The following KAT6B variants were observed in gnomAD, a reference collection of about 807,000 sequenced individuals.
KAT6B encodes lysine acetyltransferase 6B.
KAT6B carries 10 observed loss-of-function variants against 187.5 expected under a neutral mutation model. The ratio of observed to expected loss-of-function variants is 0.05; its 90% confidence interval spans 0.03 to 0.09. The LOEUF (loss-of-function observed/expected upper bound fraction) is 0.09. KAT6B is among the 10% of genes least tolerant of loss of function. The pLI, the probability that KAT6B is intolerant of heterozygous loss-of-function variation, is 1.00. For synonymous variants in KAT6B, 861 were observed against 926.8 expected, an observed-to-expected ratio of 0.93 and a Z score of 1.29; for missense variants, 1,952 against 2,558.9, an observed-to-expected ratio of 0.76 and a Z score of 5.12.
intron 3 of KAT6B, among the ~76,000 whole-genome samples, chr10:74,847,223 A>G (rs1301299547): frequency 6.6e-6 from 1 of 152,234 alleles, no homozygotes; most frequent in African/African-American, 2.4e-5. Flanking sequence ...ATAATGAGGA[A>G]AGCTGAGAAA....
intron 3 of KAT6B, among the ~76,000 whole-genome samples, chr10:74,878,688 G>C (rs1367710253): frequency 6.6e-6 from 1 of 151,568 alleles, no homozygotes; most frequent in Non-Finnish European, 1.5e-5. Flanking sequence ...GTAACTTCTA[G>C]ATTGAGATTT....
intron 4 of KAT6B, among the ~76,000 whole-genome samples, chr10:74,967,501 G>A (rs1841563690): frequency 6.6e-6 from 1 of 152,108 alleles, no homozygotes; most frequent in South Asian, 2.1e-4. Context: ...TTTTAAAGTT[G>A]GCCATGAGAA....
chr10:74,842,058 G>A (rs917360726), intron 2 of KAT6B, among the ~76,000 whole-genome samples: 3 of 152,248 alleles, frequency 2.0e-5, no homozygotes, highest in Non-Finnish European at 4.4e-5. Flanking sequence ...TTGTGGGTTA[G>A]AGGGTATCAT....
chr10:75,018,571 C>T (rs574246683), intron 13 of KAT6B, among the ~76,000 whole-genome samples: 10 of 152,306 alleles, frequency 6.6e-5, no homozygotes, highest in African/African-American at 2.4e-4. Context: ...CTGCTGCTGC[C>T]TTCCGGATTA....
chr10:74,841,541 G>C (rs111320476), intron 2 of KAT6B, among the ~76,000 whole-genome samples: 1 of 151,764 alleles, frequency 6.6e-6, no homozygotes, highest in Non-Finnish European at 1.5e-5. Context: ...CTCCAGCCTG[G>C]GTGACAGAGC....
intron 1 of KAT6B, among the ~76,000 whole-genome samples, chr10:74,835,733 TG>T (rs1448083138): frequency 6.6e-6 from 1 of 152,256 alleles, no homozygotes; most frequent in Non-Finnish European, 1.5e-5. Flanking sequence ...GTAAAGTACC[TG>T]GACCACAGTA....
chr10:74,969,925 T>A, intron 5 of KAT6B, 95 bp from the exon 6 acceptor site: 1 of 1,039,130 alleles, frequency 9.6e-7, no homozygotes, highest in Non-Finnish European at 1.5e-6. Flanking sequence ...TGCACTTTCC[T>A]TATATTGTAT....
intron 3 of KAT6B, among the ~76,000 whole-genome samples, chr10:74,848,012 A>T (rs1164156163): frequency 3.4e-5 from 5 of 148,054 alleles, no homozygotes; most frequent in African/African-American, 1.0e-4. Context: ...TCTGTCTCCC[A>T]GGTTCAAGTG....
intron 3 of KAT6B, among the ~76,000 whole-genome samples, chr10:74,881,330 C>T (rs1038826089): frequency 7.9e-5 from 12 of 152,112 alleles, no homozygotes; most frequent in Non-Finnish European, 1.6e-4. Flanking sequence ...AGAGTTGTCC[C>T]CAGTTGGCTC....
chr10:75,029,292 A>G lies in KAT6B; in HGVS notation c.4468A>G (p.Lys1490Glu). 2 of 1,614,134 alleles carry G rather than the reference A, an allele frequency of 1.2e-6. No individual in the cohort carries two copies. Among genetic ancestry groups the G allele is most frequent in the Non-Finnish European group, 1.7e-6 (2 of 1,180,032 alleles). The change falls in exon 18 of 18, where the codon AAG becomes GAG. Residue 1490 changes from lysine to glutamate, a missense_variant. Lys to Glu is a moderately conservative substitution (Grantham distance 56). This residue lies in a region of KAT6B where 758 missense variants were observed against 891.4 expected (regional missense o/e 0.85). Coordinates refer to ENST00000287239, the MANE Select transcript of KAT6B (RefSeq NM_012330.4). This position sits in a 1 kb window ranked among gnomAD's most constrained non-coding sequence, Gnocchi z 6.2. Reference protein sequence around the residue: ...DLTASCNSEPKELAGDPEAVP... With the variant: ...DLTASCNSEPEELAGDPEAVP... ...GACAGCTTCTTGTAACAGTGAGCCC[A>G]AGGAGCTTGCTGGGGACCCTGAAGC...
intron 3 of KAT6B, among the ~76,000 whole-genome samples, chr10:74,940,581 T>G (rs957353656): frequency 1.3e-5 from 2 of 151,292 alleles, no homozygotes; most frequent in African/African-American, 4.9e-5. Context: ...GCCTTTGTTT[T>G]TTTTTTTTTT....
At chr10:74,961,269 C>T (rs1841078835) in intron 4 of KAT6B, among the ~76,000 whole-genome samples, 1 of 152,198 alleles carries the variant, frequency 6.6e-6, no homozygotes, top group African/African-American at 2.4e-5. Flanking sequence ...TAGTGCCTCA[C>T]TCATCAGTTC....
At chr10:74,844,098 T>A (rs765696239) in intron 3 of KAT6B, among the ~76,000 whole-genome samples, 13 of 152,186 alleles carry the variant, frequency 8.5e-5, no homozygotes, top group Non-Finnish European at 1.5e-4. Context: ...GGTCTCAAGC[T>A]CCTGACCTCA....
chr10:74,959,590 G>A (rs1840943882), intron 3 of KAT6B, among the ~76,000 whole-genome samples: 1 of 152,136 alleles, frequency 6.6e-6, no homozygotes, highest in East Asian at 1.9e-4. Flanking sequence ...AGGAGATCGA[G>A]ACCATCCTGG....
chr10:74,949,475 A>G (rs946485003), intron 3 of KAT6B, among the ~76,000 whole-genome samples: 1 of 152,200 alleles, frequency 6.6e-6, no homozygotes, highest in Non-Finnish European at 1.5e-5. Context: ...CACAAATGAG[A>G]TGCTATTGTT....
intron 13 of KAT6B, among the ~76,000 whole-genome samples, chr10:74,998,701 A>G (rs1269720570): frequency 6.6e-6 from 1 of 152,190 alleles, no homozygotes; most frequent in African/African-American, 2.4e-5. Context: ...GGAGGATCAC[A>G]TGAGCCCAGG....
upstream of KAT6B, among the ~76,000 whole-genome samples, chr10:74,825,846 G>A (rs538615266): frequency 9.9e-5 from 15 of 151,876 alleles, no homozygotes; most frequent in Admixed American, 7.2e-4. The surrounding 1 kb of genome is among the most constrained non-coding windows in gnomAD (Gnocchi z 5.0). Context: ...CCCGGCCTGG[G>A]GCTGGCAGGG....
intron 3 of KAT6B, among the ~76,000 whole-genome samples, chr10:74,880,014 G>C (rs1297910973): frequency 6.6e-6 from 1 of 152,078 alleles, no homozygotes; most frequent in Non-Finnish European, 1.5e-5. Flanking sequence ...TCTAGCCTGG[G>C]CGACAGAGTG....
At chr10:74,831,489 A>G (rs1281862515) in intron 1 of KAT6B, among the ~76,000 whole-genome samples, 1 of 152,110 alleles carries the variant, frequency 6.6e-6, no homozygotes, top group Non-Finnish European at 1.5e-5. Context: ...ACTCTTCTTG[A>G]CCCCAGCCTC....
Sources: gnomAD v4.1 joint callset for allele counts (sites outside exome capture counted in the v4.1 genomes callset) on GRCh38, gnomAD v4.1.1 for gene constraint, gnomAD v4.1.1 regional missense constraint, Gnocchi (gnomAD v3.1) non-coding constraint, MANE v1.5 for transcripts, NCBI Gene and HGNC (gene_info 2026-07-23, HGNC 2026-07-21) for gene names.